Variants in RANBP17 observed in about 807,000 individuals in gnomAD.
RANBP17 encodes RAN binding protein 17.
Under a neutral mutation model 141.2 loss-of-function variants are expected in RANBP17, and 158 were observed. The observed-to-expected ratio is 1.12, with a 90% CI of 0.98 to 1.28. RANBP17 has a LOEUF of 1.28. Among genes scored for constraint, RANBP17 ranks in the 50% most tolerant of loss-of-function variants. RANBP17 has a pLI of 0.00. For missense variants in RANBP17, 1,438 were observed against 1,290.7 expected (o/e 1.11, Z -1.75); for synonymous variants, 430 against 450.0 (o/e 0.96, Z 0.56).
At chr5:171,290,620 C>T (rs1275820143) in intron 25 of RANBP17, among the ~76,000 whole-genome samples, 1 of 152,190 alleles carries the variant, frequency 6.6e-6, no homozygotes, top group Non-Finnish European at 1.5e-5. Flanking sequence ...CATTGTCATT[C>T]AAAATCCTTA....
intron 14 of RANBP17, among the ~76,000 whole-genome samples, chr5:171,095,191 G>T (rs1191995046): frequency 6.6e-6 from 1 of 152,094 alleles, no homozygotes; most frequent in Non-Finnish European, 1.5e-5. Context: ...GTGATGATTT[G>T]ATTTAATTTT....
intron 14 of RANBP17, among the ~76,000 whole-genome samples, chr5:171,086,655 T>C (rs1171842527): frequency 6.6e-6 from 1 of 150,684 alleles, no homozygotes; most frequent in Non-Finnish European, 1.5e-5. Context: ...GTTATTGGTC[T>C]ATTCACAGAT....
In RANBP17 at chr5:171,019,593, T is replaced by A. The variant is rs560665902; in HGVS notation, c.1710+51216T>A. On this transcript the variant is annotated intron_variant, in intron 14 of 27. Coordinates refer to ENST00000523189, the MANE Select transcript of RANBP17 (RefSeq NM_022897.5). ...GATGGTAGTTTGAATTTCTGTGAGG[T>A]CAGTGGTGATATCCCCTTTATCATT... 3.3e-5 allele frequency among the ~76,000 whole-genome samples: 5 copies of A among 152,312 alleles called. No individual in the cohort carries two copies. The South Asian group carries it at 8.3e-4, about 25-fold the overall frequency.
In RANBP17 at chr5:171,160,303, C is replaced by T. The variant is rs555524144; in HGVS notation, c.1711-9827C>T. On this transcript the variant is annotated intron_variant, in intron 14 of 27. Transcript: ENST00000523189. Reference sequence around the variant, plus strand: ...TTACCTTTCATTAAGACCCTCTCCCCTCTAACTACTACTAAAGCTACTCAC... The same window carrying T: ...TTACCTTTCATTAAGACCCTCTCCCTTCTAACTACTACTAAAGCTACTCAC... 7.5e-4 allele frequency among the ~76,000 whole-genome samples: 114 copies of T among 152,240 alleles called. 1 individual carries two copies. The highest frequency in any genetic ancestry group is 3.5e-3 in the South Asian group (17 of 4,822).
At chr5:171,265,042 C>T (rs558541994) in intron 24 of RANBP17, among the ~76,000 whole-genome samples, 69 of 152,256 alleles carry the variant, frequency 4.5e-4, no homozygotes, top group Non-Finnish European at 7.8e-4. Flanking sequence ...TTCTTTGACA[C>T]CAGGATGAGG....
intron 14 of RANBP17, among the ~76,000 whole-genome samples, chr5:171,018,656 G>A (rs1410130099): frequency 6.6e-6 from 1 of 152,156 alleles, no homozygotes; most frequent in South Asian, 2.1e-4. Context: ...GAGTTTCGGG[G>A]CTGAGATGAT....
At chr5:170,989,499 A>G (rs889935011) in intron 14 of RANBP17, among the ~76,000 whole-genome samples, 1 of 151,772 alleles carries the variant, frequency 6.6e-6, no homozygotes, top group Non-Finnish European at 1.5e-5. Context: ...TTAATTTTTA[A>G]TCATTTATTT....
At chr5:170,993,834 T>C (rs995676114) in intron 14 of RANBP17, among the ~76,000 whole-genome samples, 2 of 152,078 alleles carry the variant, frequency 1.3e-5, no homozygotes, top group Admixed American at 6.6e-5. Flanking sequence ...CCCAGCTGTT[T>C]TCTACATATC....
intron 24 of RANBP17, among the ~76,000 whole-genome samples, chr5:171,263,427 T>G (rs1447596690): frequency 6.6e-6 from 1 of 152,242 alleles, no homozygotes; most frequent in African/African-American, 2.4e-5. Flanking sequence ...TAAGCTTCAG[T>G]TTTCTCATTT....
In RANBP17 at chr5:170,896,119, A is replaced by G. The variant is rs1180343900; in HGVS notation, c.489+4A>G. 1.0e-5 allele frequency: 16 copies of G among 1,600,598 alleles called. No homozygotes were observed. The highest frequency in any genetic ancestry group is 1.4e-5 in the Non-Finnish European group (16 of 1,171,172). ...ATTGACTCAGGAAATGAACCTGGTA[A>G]GCGAGCCTTTCCATCTAACAGGAGC... On this transcript the variant is annotated splice_donor_region_variant and intron_variant, in intron 5 of 27. Transcript: ENST00000523189.
chr5:171,165,192 T>G (rs1042213387), intron 14 of RANBP17, among the ~76,000 whole-genome samples: 8 of 151,638 alleles, frequency 5.3e-5, no homozygotes, highest in African/African-American at 1.9e-4. Context: ...TGTTTTTTTG[T>G]TTTTTTTGAG....
chr5:171,037,537 T>A (rs963039529), intron 14 of RANBP17, among the ~76,000 whole-genome samples: 42 of 152,216 alleles, frequency 2.8e-4, no homozygotes, highest in African/African-American at 9.9e-4. Flanking sequence ...GAATGATGTT[T>A]CCTAGGTTTT....
chr5:170,988,858 G>A (rs923727024), intron 14 of RANBP17, among the ~76,000 whole-genome samples: 2 of 151,528 alleles, frequency 1.3e-5, no homozygotes, highest in African/African-American at 4.8e-5. Context: ...TATTTGACTG[G>A]AAAAAAATTA....
chr5:171,026,330 C>G (rs1781231881), intron 14 of RANBP17, among the ~76,000 whole-genome samples: 1 of 152,192 alleles, frequency 6.6e-6, no homozygotes, highest in South Asian at 2.1e-4. Context: ...AGGTATTTCA[C>G]TTGCTCAGTG....
At chr5:171,211,347 C>T (rs201649101) in intron 20 of RANBP17, among the ~76,000 whole-genome samples, 44 of 151,996 alleles carry the variant, frequency 2.9e-4, no homozygotes, top group East Asian at 2.5e-3. Context: ...CTGCAACCTC[C>T]GCCTCCCGGG....
At chr5:171,082,150 A>G (rs538622399) in intron 14 of RANBP17, among the ~76,000 whole-genome samples, 10 of 152,280 alleles carry the variant, frequency 6.6e-5, no homozygotes, top group East Asian at 5.8e-4. Context: ...TGAATTGGCA[A>G]TACTGTGTTA....
At position 171,026,446 on chromosome 5, in the gene RANBP17, G is replaced by A. The variant is rs76508207; in HGVS notation, c.1710+58069G>A. 3.3e-3 allele frequency among the ~76,000 whole-genome samples: 497 copies of A among 152,160 alleles called. 2 individuals carry two copies. The highest frequency in any genetic ancestry group is 0.011 in the African/African-American group (466 of 41,518). ...CGCCTTCTAACCAGATAGTTACTGC[G>A]AAAACTCCTGCAATTTCTAATTTTA... On this transcript the variant is annotated intron_variant, in intron 14 of 27. Transcript: ENST00000523189.
chr5:171,272,333 G>A (rs942330525), intron 25 of RANBP17, among the ~76,000 whole-genome samples: 16 of 152,150 alleles, frequency 1.1e-4, no homozygotes, highest in East Asian at 5.8e-4. Context: ...CATGTACCCC[G>A]AACCTAAAAT....
At chr5:171,037,801 A>G (rs1781977840) in intron 14 of RANBP17, among the ~76,000 whole-genome samples, 1 of 152,120 alleles carries the variant, frequency 6.6e-6, no homozygotes, top group Non-Finnish European at 1.5e-5. Context: ...TACCATTAAC[A>G]TGCTGTTTTG....
Sources: allele counts gnomAD v4.1 joint callset (sites outside exome capture counted in the v4.1 genomes callset), GRCh38; gene constraint gnomAD v4.1.1; transcripts MANE v1.5; gene names NCBI Gene and HGNC (gene_info 2026-07-23, HGNC 2026-07-21).